Variants in ARID1B observed in about 807,000 individuals in gnomAD.
ARID1B encodes the protein AT-rich interaction domain 1B.
In ARID1B, 30 loss-of-function variants were observed where a neutral mutation model predicts 212.3. The ratio of observed to expected loss-of-function variants is 0.14; its 90% CI spans 0.11 to 0.19. The LOEUF (loss-of-function observed/expected upper bound fraction) is 0.19. Ranked by LOEUF, ARID1B falls within the 10% of genes least tolerant of loss-of-function variation. ARID1B has a pLI of 1.00. For missense variants in ARID1B, 2,891 were observed against 3,204.0 expected, an observed-to-expected ratio of 0.90 and a Z score of 2.36; for synonymous variants, 1,402 against 1,301.7, an observed-to-expected ratio of 1.08 and a Z score of -1.66.
At chr6:156,893,570 T>C (rs1788132984) in intron 2 of ARID1B, among the ~76,000 whole-genome samples, 1 of 151,568 alleles carries the variant, frequency 6.6e-6, no homozygotes, top group South Asian at 2.1e-4. Flanking sequence ...TATAAAACAC[T>C]CCTATCAACA....
intron 4 of ARID1B, among the ~76,000 whole-genome samples, chr6:156,969,706 G>C (rs1562518876): frequency 6.6e-6 from 1 of 152,134 alleles, no homozygotes; most frequent in African/African-American, 2.4e-5. Context: ...TGTTAGACTT[G>C]ATTCATACGA....
intron 3 of ARID1B, among the ~76,000 whole-genome samples, chr6:156,914,771 C>T (rs1357209367): frequency 6.6e-6 from 1 of 152,208 alleles, no homozygotes; most frequent in East Asian, 1.9e-4. Flanking sequence ...GGCCTCTGGC[C>T]ACCCAGCCCT....
intron 4 of ARID1B, among the ~76,000 whole-genome samples, chr6:156,953,640 A>G (rs1371414206): frequency 6.6e-6 from 1 of 152,166 alleles, no homozygotes; most frequent in Non-Finnish European, 1.5e-5. Flanking sequence ...CCGCCTCATA[A>G]CCTTCCTGGA....
chr6:156,978,819 A>G (rs1777423450), intron 4 of ARID1B, among the ~76,000 whole-genome samples: 1 of 152,200 alleles, frequency 6.6e-6, no homozygotes, highest in Non-Finnish European at 1.5e-5. Context: ...TAAATGTGAT[A>G]TATTACTTTT....
chr6:156,815,356 A>G (rs977034361), intron 1 of ARID1B, among the ~76,000 whole-genome samples: 1 of 152,252 alleles, frequency 6.6e-6, no homozygotes, highest in African/African-American at 2.4e-5. Flanking sequence ...AGATTGGTAT[A>G]TTAATTCACT....
intron 1 of ARID1B, chr6:156,780,453 C>A (rs1377607470): frequency 6.6e-6 from 1 of 152,256 alleles, no homozygotes; most frequent in East Asian, 1.9e-4. Context: ...TAAAGACTGA[C>A]TTGATCTCCT....
chr6:156,882,457 A>G (rs896979445), intron 2 of ARID1B, among the ~76,000 whole-genome samples: 1 of 152,208 alleles, frequency 6.6e-6, no homozygotes, highest in Non-Finnish European at 1.5e-5. Flanking sequence ...ACAATAAAGT[A>G]TCAGTCAACA....
rs548296773 is a variant in ARID1B, at chr6:157,074,452, C to T, written c.2248-10210C>T. On this transcript the variant is annotated intron_variant, in intron 4 of 19. Transcript: ENST00000636930. ...GTTGGCCAGGCTGATCTCGAACTCC[C>T]GAGCTCAGATGATCCGCCCACCTCG... is the stretch of plus-strand genomic sequence containing the variant. Among the ~76,000 whole-genome samples the T allele has an allele frequency of 5.5e-4, 84 of 152,006 alleles. 1 individual carries two copies. The highest frequency in any genetic ancestry group is 1.0e-3 in the Non-Finnish European group (69 of 67,996).
chr6:156,815,040 C>T (rs370486768), intron 1 of ARID1B, among the ~76,000 whole-genome samples: 2 of 152,240 alleles, frequency 1.3e-5, no homozygotes, highest in Admixed American at 6.5e-5. Context: ...TGAAAGACTG[C>T]GTGCTTACGT....
At chr6:156,855,473 C>T (rs972448083) in intron 2 of ARID1B, among the ~76,000 whole-genome samples, 3 of 152,142 alleles carry the variant, frequency 2.0e-5, no homozygotes, top group African/African-American at 4.8e-5. Flanking sequence ...GTGTGTTTCA[C>T]GTGGCGGCAG....
At chr6:157,143,430 G>A (rs1484124924) in intron 7 of ARID1B, among the ~76,000 whole-genome samples, 1 of 146,232 alleles carries the variant, frequency 6.8e-6, no homozygotes, top group African/African-American at 2.6e-5. Flanking sequence ...ATACGTTATC[G>A]AGTAGTTGGG....
chr6:157,064,446 A>G (rs1430764781), intron 4 of ARID1B, among the ~76,000 whole-genome samples: 1 of 152,198 alleles, frequency 6.6e-6, no homozygotes, highest in Non-Finnish European at 1.5e-5. Flanking sequence ...GATGATACGG[A>G]AACATTCTTC....
intron 3 of ARID1B, among the ~76,000 whole-genome samples, chr6:156,923,603 A>C (rs894163973): frequency 4.6e-5 from 7 of 152,126 alleles, no homozygotes; most frequent in African/African-American, 7.2e-5. Flanking sequence ...TTAGGAGAGT[A>C]CCTGATAGAT....
chr6:157,204,216 T>C, intron 19 of ARID1B: 1 of 500,336 alleles, frequency 2.0e-6, no homozygotes, highest in South Asian at 2.8e-5. Context: ...CTATTTCTTA[T>C]GAGAGAACAG....
chr6:157,186,086 G>C (rs1319459253), intron 13 of ARID1B: 1 of 188,122 alleles, frequency 5.3e-6, no homozygotes, highest in South Asian at 1.0e-4. Flanking sequence ...AAAGATCTAA[G>C]GGTACATTTT....
At chr6:156,854,421 C>G (rs1784777095) in intron 2 of ARID1B, among the ~76,000 whole-genome samples, 1 of 152,226 alleles carries the variant, frequency 6.6e-6, no homozygotes, top group African/African-American at 2.4e-5. Context: ...GTTCAGGAAG[C>G]CCTTTGGGGC....
At chr6:156,978,829 T>G (rs1489937108) in intron 4 of ARID1B, among the ~76,000 whole-genome samples, 1 of 152,240 alleles carries the variant, frequency 6.6e-6, no homozygotes, top group Non-Finnish European at 1.5e-5. Context: ...ATATTACTTT[T>G]TCTAGCCACA....
rs1234017967 is a variant in ARID1B at position 157,039,838 on chromosome 6, TTC to T, written c.2248-44816_2248-44815del. Among the ~76,000 whole-genome samples, 282 of 101,408 alleles carry T rather than the reference TTC, an allele frequency of 2.8e-3. 1 individual carries two copies. Among genetic ancestry groups the T allele is most frequent in the Non-Finnish European group, 3.1e-3 (159 of 50,962 alleles). The allele number at this position is 101,408 out of a possible 152,430, so 66.5% of individuals were successfully genotyped here. A position where few individuals can be genotyped will look rare whatever the true frequency, so the allele number is the denominator to read the frequency against. On this transcript the variant is annotated intron_variant, in intron 4 of 19. Coordinates refer to ENST00000636930, the MANE Select transcript of ARID1B (RefSeq NM_001374828.1). The stretch of plus-strand genomic sequence containing the variant: ...TCTTTTTCTCTCTTTCTCTCTTTCT[TTC>T]TCTCTCTTTCTCTCTCTTTCTCTCT...
At chr6:156,776,424 T>C (rs942612014), upstream of ARID1B, 1 of 152,252 alleles carries the variant, frequency 6.6e-6, no homozygotes, top group Non-Finnish European at 1.5e-5. Context: ...TATAATATTT[T>C]AGTTTCGTTC....
Sources: allele counts gnomAD v4.1 joint callset (sites outside exome capture counted in the v4.1 genomes callset), GRCh38; gene constraint gnomAD v4.1.1; transcripts MANE v1.5; gene names NCBI Gene and HGNC (gene_info 2026-07-23, HGNC 2026-07-21).